PAPSS2: variants seen among roughly 807,000 people sequenced by gnomAD.
The protein encoded by PAPSS2 is bifunctional 3'-phosphoadenosine 5'-phosphosulfate synthase 2.
In PAPSS2, 61 loss-of-function variants were observed where a neutral mutation model predicts 66.5. The observed-to-expected ratio is 0.92, with a 90% CI of 0.75 to 1.14. The LOEUF is 1.14. Among genes scored for constraint, PAPSS2 ranks in the 50% most tolerant of loss-of-function variants. The pLI is 0.00. For missense variants in PAPSS2, 708 were observed against 789.6 expected, an observed-to-expected ratio of 0.90 and a Z score of 1.24; for synonymous variants, 289 against 287.5, an observed-to-expected ratio of 1.01 and a Z score of -0.05.
intron 12 of PAPSS2, among the ~76,000 whole-genome samples, chr10:87,745,553 G>A (rs1235325142): frequency 6.6e-6 from 1 of 152,152 alleles, no homozygotes; most frequent in African/African-American, 2.4e-5. Flanking sequence ...TGCTCCTCAT[G>A]CTGAGGGTTC....
At chr10:87,735,179 T>C (rs1391921276) in intron 9 of PAPSS2, among the ~76,000 whole-genome samples, 1 of 152,132 alleles carries the variant, frequency 6.6e-6, no homozygotes, top group Non-Finnish European at 1.5e-5. Context: ...TGGGGACTTC[T>C]AGGCCACAAA....
At chr10:87,740,640 T>C (rs1853857150) in intron 9 of PAPSS2, among the ~76,000 whole-genome samples, 1 of 152,220 alleles carries the variant, frequency 6.6e-6, no homozygotes, top group South Asian at 2.1e-4. Context: ...TGAGTTTTGG[T>C]GTAGTATCAG....
rs544947291 is a variant in PAPSS2 at position 87,703,726 on chromosome 10, T to C, written c.28-5470T>C. The C allele has an allele frequency of 9.6e-6, 5 of 518,964 alleles. No individual in the cohort carries two copies. The East Asian group carries it at 2.7e-4, about 28-fold the overall frequency. 32.1% of individuals were successfully genotyped at this position (518,964 alleles called of 1,614,324 possible). ...TCGATACTCATGCTACTCCGATGCA[T>C]GCTACAGAGAGTTTTTCTGGGCCAG... On this transcript the variant is annotated intron_variant, in intron 1 of 12. Coordinates refer to ENST00000456849, the MANE Select transcript of PAPSS2 (RefSeq NM_001015880.2).
chr10:87,742,146 A>G (rs1853878013), intron 10 of PAPSS2, among the ~76,000 whole-genome samples: 1 of 152,236 alleles, frequency 6.6e-6, no homozygotes, highest in Non-Finnish European at 1.5e-5. Context: ...AAGTTGTACT[A>G]TATATTAGAA....
At chr10:87,735,093 C>T (rs1400054894) in intron 9 of PAPSS2, among the ~76,000 whole-genome samples, 3 of 152,186 alleles carry the variant, frequency 2.0e-5, no homozygotes, top group Non-Finnish European at 4.4e-5. Context: ...CTCCCCATTC[C>T]TTTTGGCGCA....
chr10:87,664,047 C>T (rs1478484143), intron 1 of PAPSS2, among the ~76,000 whole-genome samples: 2 of 152,164 alleles, frequency 1.3e-5, no homozygotes. Context: ...CCTAGTACTA[C>T]AGGTGCACAC....
intron 1 of PAPSS2, among the ~76,000 whole-genome samples, chr10:87,697,883 A>C (rs536700441): frequency 1.1e-4 from 17 of 152,202 alleles, no homozygotes; most frequent in Non-Finnish European, 2.1e-4. Flanking sequence ...GAGGACCAGA[A>C]GTATACAAGA....
intron 1 of PAPSS2, chr10:87,661,141 T>TAAA: frequency 8.2e-6 from 3 of 366,774 alleles, no homozygotes; most frequent in South Asian, 2.1e-5. Context: ...GGGAGAGGTT[T>TAAA]AAAAAAAAAA....
intron 1 of PAPSS2, among the ~76,000 whole-genome samples, chr10:87,689,781 A>G (rs1853146804): frequency 6.6e-6 from 1 of 151,994 alleles, no homozygotes; most frequent in Non-Finnish European, 1.5e-5. Flanking sequence ...GGTAAAGAGT[A>G]TGAATGAGAG....
At chr10:87,672,679 AG>A (rs1263788388) in intron 1 of PAPSS2, among the ~76,000 whole-genome samples, 1 of 152,204 alleles carries the variant, frequency 6.6e-6, no homozygotes, top group Non-Finnish European at 1.5e-5. Context: ...TTATAGACCA[AG>A]GCTTGAGGAA....
chr10:87,706,402 A>G (rs1853390712), intron 1 of PAPSS2, among the ~76,000 whole-genome samples: 1 of 151,870 alleles, frequency 6.6e-6, no homozygotes, highest in Non-Finnish European at 1.5e-5. Context: ...GGAAATTGAA[A>G]AAAAGGACAT....
intron 1 of PAPSS2, among the ~76,000 whole-genome samples, chr10:87,699,334 G>A (rs1853273442): frequency 6.6e-6 from 1 of 152,146 alleles, no homozygotes; most frequent in South Asian, 2.1e-4. Context: ...TGTTACCCAG[G>A]CCGGAGTGCA....
intron 1 of PAPSS2, among the ~76,000 whole-genome samples, chr10:87,698,523 A>G (rs1450373744): frequency 6.6e-6 from 1 of 152,188 alleles, no homozygotes; most frequent in Admixed American, 6.5e-5. Context: ...TATTTCCCTT[A>G]TAACTCAAGA....
intron 1 of PAPSS2, among the ~76,000 whole-genome samples, chr10:87,667,464 AAAAC>A (rs369987251): frequency 1.3e-5 from 2 of 152,300 alleles, no homozygotes; most frequent in African/African-American, 4.8e-5. Flanking sequence ...AAACCTCAAC[AAAAC>A]AAACAAACAA....
rs1208111400 is a variant in PAPSS2 at position 87,745,878 on chromosome 10, G to A, written c.1768G>A (p.Ala590Thr). The part of the protein sequence containing the change: ...FISGTRMRKL[A>T]REGENPPDGF... ...CTCAGGAACTCGAATGAGGAAGCTCGCCCGGGAAGGAGAGAATCCCCCAGA... is the reference window on the plus strand; with the variant it reads ...CTCAGGAACTCGAATGAGGAAGCTCACCCGGGAAGGAGAGAATCCCCCAGA... The change falls in exon 13 of 13, where the codon GCC (alanine) becomes ACC (threonine). Residue 590 changes from alanine (A) to threonine (T), a missense_variant. Physicochemically the swap from Ala to Thr is moderately conservative, Grantham distance 58. Coordinates refer to ENST00000456849, the MANE Select transcript of PAPSS2 (RefSeq NM_001015880.2). 13 of 1,614,008 alleles carry A rather than the reference G, an allele frequency of 8.1e-6. No individual in the cohort carries two copies. The highest frequency in any genetic ancestry group is 2.2e-5 in the East Asian group (1 of 44,872).
chr10:87,674,735 C>G (rs1463097094), intron 1 of PAPSS2, among the ~76,000 whole-genome samples: 1 of 152,094 alleles, frequency 6.6e-6, no homozygotes, highest in African/African-American at 2.4e-5. Flanking sequence ...ACAGATAGTT[C>G]TTGTTATTTA....
intron 1 of PAPSS2, among the ~76,000 whole-genome samples, chr10:87,698,886 CT>C (rs1380976375): frequency 6.6e-6 from 1 of 152,144 alleles, no homozygotes; most frequent in African/African-American, 2.4e-5. Flanking sequence ...AATAAAACCC[CT>C]ATGTTATGAA....
chr10:87,669,851 T>C (rs926284465), intron 1 of PAPSS2, among the ~76,000 whole-genome samples: 7 of 152,234 alleles, frequency 4.6e-5, no homozygotes, highest in Admixed American at 2.6e-4. Context: ...CTGTAGTTAA[T>C]AAGATGTTTA....
At chr10:87,729,455 G>T (rs766789376) in intron 9 of PAPSS2, among the ~76,000 whole-genome samples, 28 of 152,032 alleles carry the variant, frequency 1.8e-4, no homozygotes, top group Non-Finnish European at 1.2e-4. Flanking sequence ...GGGACACCAC[G>T]AATTGCACCC....
Sources: gnomAD v4.1 joint callset for allele counts (sites outside exome capture counted in the v4.1 genomes callset) on GRCh38, gnomAD v4.1.1 for gene constraint, MANE v1.5 for transcripts, NCBI Gene and HGNC (gene_info 2026-07-23, HGNC 2026-07-21) for gene names.